The following SSH2 variants were observed in gnomAD, a reference collection of about 807,000 sequenced individuals.
SSH2 encodes slingshot protein phosphatase 2.
SSH2 carries 37 observed loss-of-function variants against 135.2 expected under a neutral mutation model. The ratio of observed to expected loss-of-function variants is 0.27; its 90% CI spans 0.21 to 0.36. The LOEUF (loss-of-function observed/expected upper bound fraction) is 0.36. Among genes scored for constraint, SSH2 ranks in the 10% least tolerant of loss-of-function variants. SSH2 has a pLI of 1.00. For synonymous variants in SSH2, 628 were observed against 646.2 expected, an observed-to-expected ratio of 0.97 and a Z score of 0.43; for missense variants, 1,408 against 1,765.3, an observed-to-expected ratio of 0.80 and a Z score of 3.63.
rs147918599 is a variant in SSH2 at position 29,770,709 on chromosome 17, A to G, written c.188+23185T>C. On this transcript the variant is annotated intron_variant, in intron 3 of 15. Transcript: ENST00000540801. ...ACTGGTCTCGAACTCCTGACCTCAG[A>G]TGATCTGCCCACCTCGGCCTCCTAA... 6.4e-3 allele frequency among the ~76,000 whole-genome samples: 972 copies of G among 151,840 alleles called. 12 individuals carry two copies. Among genetic ancestry groups the G allele is most frequent in the African/African-American group, 0.02 (839 of 41,430 alleles).
chr17:29,875,870 T>C (rs900612741), intron 1 of SSH2, among the ~76,000 whole-genome samples: 1 of 151,984 alleles, frequency 6.6e-6, no homozygotes, highest in Non-Finnish European at 1.5e-5. Flanking sequence ...ATTTAATCTA[T>C]GTACTGCTCC....
intron 3 of SSH2, among the ~76,000 whole-genome samples, chr17:29,738,038 A>G (rs137927524): frequency 5.3e-5 from 8 of 152,278 alleles, no homozygotes; most frequent in African/African-American, 1.9e-4. Flanking sequence ...TTAACTTGTC[A>G]TTTACATTAG....
intron 2 of SSH2, among the ~76,000 whole-genome samples, chr17:29,815,091 G>C (rs1450033657): frequency 6.6e-6 from 1 of 150,518 alleles, no homozygotes; most frequent in Non-Finnish European, 1.5e-5. Context: ...TGGGATTACA[G>C]GCGCCCACCA....
chr17:29,657,142 T>G (rs1298326185), intron 11 of SSH2, among the ~76,000 whole-genome samples: 1 of 150,832 alleles, frequency 6.6e-6, no homozygotes, highest in Non-Finnish European at 1.5e-5. Context: ...GATTTTTGTA[T>G]TTTTAGTAGA....
At chr17:29,732,506 T>A (rs1441518343) in intron 3 of SSH2, among the ~76,000 whole-genome samples, 1 of 152,168 alleles carries the variant, frequency 6.6e-6, no homozygotes, top group Non-Finnish European at 1.5e-5. Context: ...AAATTTTACC[T>A]AAGGAAACTG....
chr17:29,646,603 G>A (rs1443202397), intron 14 of SSH2, among the ~76,000 whole-genome samples: 2 of 152,012 alleles, frequency 1.3e-5, no homozygotes, highest in African/African-American at 2.4e-5. Flanking sequence ...GGGTTCAAGC[G>A]ATTATCCTGC....
At chr17:29,725,304 A>C in intron 3 of SSH2, among the ~76,000 whole-genome samples, 1 of 112,374 alleles carries the variant, frequency 8.9e-6, no homozygotes, top group African/African-American at 3.4e-5. Context: ...CCAAGATTGC[A>C]CCACTGCACT....
intron 1 of SSH2, among the ~76,000 whole-genome samples, chr17:29,894,114 T>A (rs1186532314): frequency 6.6e-6 from 1 of 152,134 alleles, no homozygotes; most frequent in African/African-American, 2.4e-5. Context: ...CCTATAAGTT[T>A]CTCTGCCACT....
At chr17:29,838,165 A>G (rs9915830) in intron 2 of SSH2, among the ~76,000 whole-genome samples, 20,817 of 152,294 alleles carry the variant, frequency 0.14, 3,651 homozygotes, top group African/African-American at 0.41. Flanking sequence ...GCAAAGCTGA[A>G]GCTGAGCCTG....
chr17:29,814,864 C>T (rs2042525940), intron 2 of SSH2, among the ~76,000 whole-genome samples: 1 of 151,678 alleles, frequency 6.6e-6, no homozygotes, highest in South Asian at 2.1e-4. Flanking sequence ...TCTAAACTTC[C>T]TACAATGATC....
Position 29,881,267 on chromosome 17 carries a change from G to C in SSH2, c.64-32338C>G, listed in dbSNP as rs140421238. Among the ~76,000 whole-genome samples, 29 of 152,294 alleles carry C rather than the reference G, an allele frequency of 1.9e-4. No individual in the cohort carries two copies. In the East Asian group the frequency reaches 5.4e-3, roughly 28 times the overall value. ...CTGCCAGCATCTATACATATGTGAA[G>C]TATTGAAGATTTCCCAAACCTCAGT... On this transcript the variant is annotated intron_variant, in intron 1 of 15. Coordinates refer to ENST00000540801, the MANE Select transcript of SSH2 (RefSeq NM_001282129.2).
chr17:29,788,366 G>A (rs770564723), intron 3 of SSH2, among the ~76,000 whole-genome samples: 1 of 152,094 alleles, frequency 6.6e-6, no homozygotes, highest in Non-Finnish European at 1.5e-5. Flanking sequence ...CTTTGAGCAA[G>A]GACATTGGTC....
At chr17:29,839,535 C>G (rs1689990661) in intron 2 of SSH2, among the ~76,000 whole-genome samples, 1 of 152,176 alleles carries the variant, frequency 6.6e-6, no homozygotes, top group Non-Finnish European at 1.5e-5. Context: ...TCAGATGCCC[C>G]CAAATCTGTA....
rs191780325 is a variant in SSH2 at position 29,716,844 on chromosome 17, C to T, written c.189-13782G>A. ...CTGTCTCACCACTCCTCTGAAACTC[C>T]TCCCCCACTCTAAGTTTGCCAATGA... is the stretch of plus-strand genomic sequence containing the variant. On this transcript the variant is annotated intron_variant, in intron 3 of 15. Transcript: ENST00000540801. Among the ~76,000 whole-genome samples, 25 of 152,264 alleles carry T rather than the reference C, an allele frequency of 1.6e-4. No individual in the cohort carries two copies. The Middle Eastern group carries it at 0.01, about 62-fold the overall frequency.
At chr17:29,852,924 C>T (rs893842590) in intron 1 of SSH2, among the ~76,000 whole-genome samples, 1 of 151,824 alleles carries the variant, frequency 6.6e-6, no homozygotes, top group African/African-American at 2.4e-5. Flanking sequence ...GAGTATATGG[C>T]TTATTCCAAG....
chr17:29,842,048 T>C (rs1043309972), intron 2 of SSH2, among the ~76,000 whole-genome samples: 8 of 151,964 alleles, frequency 5.3e-5, no homozygotes, highest in African/African-American at 1.9e-4. Flanking sequence ...CCAGTGTTCT[T>C]AACCCTTGAT....
At chr17:29,652,010 C>T (rs1453634311) in intron 12 of SSH2, among the ~76,000 whole-genome samples, 1 of 152,094 alleles carries the variant, frequency 6.6e-6, no homozygotes, top group Non-Finnish European at 1.5e-5. Context: ...GGCGTGGTGG[C>T]ATGTGCCTGT....
chr17:29,702,080 C>T (rs889612693), intron 4 of SSH2, among the ~76,000 whole-genome samples: 16 of 151,746 alleles, frequency 1.1e-4, no homozygotes, highest in African/African-American at 3.2e-4. Context: ...GGGCTGGGTG[C>T]GGGGACTCAC....
chr17:29,718,543 C>G (rs9911103), intron 3 of SSH2, among the ~76,000 whole-genome samples: 7 of 152,042 alleles, frequency 4.6e-5, no homozygotes, highest in African/African-American at 1.4e-4. Flanking sequence ...CCCGTCCTGG[C>G]TAACACGGTG....
Sources: allele counts gnomAD v4.1 joint callset (sites outside exome capture counted in the v4.1 genomes callset), GRCh38; gene constraint gnomAD v4.1.1; transcripts MANE v1.5; gene names NCBI Gene and HGNC (gene_info 2026-07-23, HGNC 2026-07-21).